RASEF: variants seen among roughly 807,000 people sequenced by gnomAD.
RASEF encodes the protein ras and EF-hand domain-containing protein.
Under a neutral mutation model 90.1 loss-of-function variants are expected in RASEF, and 68 were observed. The observed-to-expected ratio is 0.75, with a 90% confidence interval of 0.62 to 0.92. The LOEUF is 0.92. Among genes scored for constraint, RASEF ranks in the 40% least tolerant of loss-of-function variants. The pLI is 0.00. For missense variants in RASEF, 949 were observed against 937.2 expected (o/e 1.01, Z -0.16); for synonymous variants, 331 against 345.2 (o/e 0.96, Z 0.46).
At chr9:83,088,371 T>TA in the RASEF span, among the ~76,000 whole-genome samples, 635 of 127,228 alleles carry the variant, frequency 5.0e-3, 2 homozygotes, top group African/African-American at 0.018. Context: ...TATAGATAGA[T>TA]GGATAGATAG....
chr9:83,083,743 G>A, the RASEF span, among the ~76,000 whole-genome samples: 1 of 151,988 alleles, frequency 6.6e-6, no homozygotes, highest in East Asian at 1.9e-4. Flanking sequence ...ATTTTCTTCT[G>A]GTGTAACAAG....
Position 82,981,151 on chromosome 9 carries a change from G to A in RASEF, c.*1526C>T, listed in dbSNP as rs1828592527. 6.6e-6 allele frequency: 1 copy of A among 152,206 alleles called. No individual in the cohort carries two copies. The highest frequency in any genetic ancestry group is 2.1e-4 in the South Asian group (1 of 4,828). The allele number at this position is 152,206 out of a possible 1,614,324, so 9.4% of individuals were successfully genotyped here. ...ACAATAAATAACAGCTACTTTTTAA[G>A]TTCCTTCAGCAAGCTACTTGGGGCC... On this transcript the variant is annotated 3_prime_UTR_variant, in exon 17 of 17. Coordinates refer to ENST00000376447, the MANE Select transcript of RASEF (RefSeq NM_152573.4).
At chr9:82,993,231 G>C (rs937734880) in intron 14 of RASEF, among the ~76,000 whole-genome samples, 1 of 152,132 alleles carries the variant, frequency 6.6e-6, no homozygotes, top group South Asian at 2.1e-4. Flanking sequence ...AATTCAGAGA[G>C]GTTAAATAAG....
chr9:83,048,659 T>C (rs1587522480), intron 1 of RASEF: 4 of 985,400 alleles, frequency 4.1e-6, no homozygotes, highest in Non-Finnish European at 4.8e-6. Flanking sequence ...TTGTTTAGGA[T>C]TGGGAGATTT....
the RASEF span, among the ~76,000 whole-genome samples, chr9:83,134,095 A>G: frequency 6.6e-6 from 1 of 152,248 alleles, no homozygotes; most frequent in Admixed American, 6.5e-5. Flanking sequence ...ATCTGTACAG[A>G]TATCAATACT....
At chr9:83,153,825 GC>G in the RASEF span, among the ~76,000 whole-genome samples, 1 of 152,192 alleles carries the variant, frequency 6.6e-6, no homozygotes, top group Non-Finnish European at 1.5e-5. Context: ...TTCCCTGGCA[GC>G]CCATATGATA....
intron 1 of RASEF, among the ~76,000 whole-genome samples, chr9:83,047,253 T>A (rs144679563): frequency 7.2e-5 from 11 of 151,994 alleles, no homozygotes; most frequent in African/African-American, 2.7e-4. Context: ...GAACCTGTTA[T>A]GAGACTACTC....
the RASEF span, among the ~76,000 whole-genome samples, chr9:83,127,373 TG>T: frequency 6.6e-6 from 1 of 152,192 alleles, no homozygotes; most frequent in African/African-American, 2.4e-5. Context: ...TTCCTATCCA[TG>T]TTTGCAGATC....
At chr9:82,991,823 A>G (rs1372241191) in intron 15 of RASEF, among the ~76,000 whole-genome samples, 2 of 152,222 alleles carry the variant, frequency 1.3e-5, no homozygotes, top group African/African-American at 4.8e-5. Context: ...CAGGCAGCCA[A>G]GAATAACTAG....
At chr9:83,027,469 A>C (rs1460688854) in intron 1 of RASEF, among the ~76,000 whole-genome samples, 1 of 152,220 alleles carries the variant, frequency 6.6e-6, no homozygotes, top group Non-Finnish European at 1.5e-5. Context: ...GACACTCATC[A>C]TTCTGGAGAT....
upstream of RASEF, among the ~76,000 whole-genome samples, chr9:83,066,181 A>G (rs1830280974): frequency 1.3e-5 from 2 of 152,238 alleles, no homozygotes; most frequent in Admixed American, 1.3e-4. Context: ...ACTTCATCAC[A>G]TGATTACGTT....
At chr9:83,011,896 T>C (rs1829253519) in intron 5 of RASEF, among the ~76,000 whole-genome samples, 1 of 152,200 alleles carries the variant, frequency 6.6e-6, no homozygotes, top group Non-Finnish European at 1.5e-5. Flanking sequence ...GCCTCACTCA[T>C]TTCTTAGCTC....
the RASEF span, among the ~76,000 whole-genome samples, chr9:83,184,298 G>A: frequency 0.1 from 15,343 of 152,194 alleles, 973 homozygotes; most frequent in East Asian, 0.18. Flanking sequence ...AGGAGACACC[G>A]GGGGCAAAGG....
the RASEF span, among the ~76,000 whole-genome samples, chr9:83,211,801 A>AGTGTCC: frequency 6.6e-6 from 1 of 152,216 alleles, no homozygotes; most frequent in Non-Finnish European, 1.5e-5. Flanking sequence ...TCAGATCCAG[A>AGTGTCC]AAGTAGGACC....
At chr9:83,082,221 C>T in the RASEF span, among the ~76,000 whole-genome samples, 2 of 152,172 alleles carry the variant, frequency 1.3e-5, no homozygotes, top group Non-Finnish European at 2.9e-5. Flanking sequence ...CTCTCTGCAA[C>T]CTCTACTTCA....
chr9:83,111,630 T>G, the RASEF span, among the ~76,000 whole-genome samples: 2 of 152,144 alleles, frequency 1.3e-5, no homozygotes. Context: ...AATTTTTATT[T>G]GTCAATTATA....
the RASEF span, among the ~76,000 whole-genome samples, chr9:83,203,107 C>T: frequency 6.6e-6 from 1 of 151,930 alleles, no homozygotes; most frequent in Non-Finnish European, 1.5e-5. Context: ...TATATATAAT[C>T]AATAGACGAT....
chr9:83,102,952 A>G, the RASEF span, among the ~76,000 whole-genome samples: 1 of 152,200 alleles, frequency 6.6e-6, no homozygotes, highest in Non-Finnish European at 1.5e-5. Context: ...GTCTCTTCAG[A>G]GTCAGCATGA....
chr9:83,064,426 T>C (rs1180776449), upstream of RASEF, among the ~76,000 whole-genome samples: 1 of 152,202 alleles, frequency 6.6e-6, no homozygotes, highest in Admixed American at 6.5e-5. Flanking sequence ...TTGTTATTGA[T>C]TTTGAGCTTA....
Sources: gnomAD v4.1 joint callset for allele counts (sites outside exome capture counted in the v4.1 genomes callset) on GRCh38, gnomAD v4.1.1 for gene constraint, MANE v1.5 for transcripts, NCBI Gene and HGNC (gene_info 2026-07-23, HGNC 2026-07-21) for gene names.